Variants in SLC25A21 observed in about 807,000 individuals in gnomAD.
The protein encoded by SLC25A21 is mitochondrial 2-oxodicarboxylate carrier.
Under a neutral mutation model 43.8 loss-of-function variants are expected in SLC25A21, and 47 were observed. That is an observed-to-expected ratio of 1.07 (90% CI 0.85 to 1.37). The LOEUF is 1.37. Among genes scored for constraint, SLC25A21 ranks in the 40% most tolerant of loss-of-function variants. The pLI is 0.00. For missense variants in SLC25A21, 352 were observed against 350.2 expected (o/e 1.00, Z -0.04); for synonymous variants, 131 against 121.3 (o/e 1.08, Z -0.52).
intron 1 of SLC25A21, among the ~76,000 whole-genome samples, chr14:37,115,346 G>A (rs375943308): frequency 6.6e-6 from 1 of 152,182 alleles, no homozygotes; most frequent in East Asian, 1.9e-4. Context: ...CTAGTTTGCA[G>A]AAGAGTCTGA....
chr14:36,805,113 C>T (rs1200914957), intron 3 of SLC25A21, among the ~76,000 whole-genome samples: 2 of 152,198 alleles, frequency 1.3e-5, no homozygotes, highest in African/African-American at 4.8e-5. Flanking sequence ...ACAATTTCCA[C>T]TCAAACAACT....
intron 1 of SLC25A21, among the ~76,000 whole-genome samples, chr14:37,166,118 T>C (rs1181327723): frequency 6.6e-6 from 1 of 152,174 alleles, no homozygotes; most frequent in African/African-American, 2.4e-5. Context: ...ACGTCTGTTC[T>C]AGGATGCACA....
intron 2 of SLC25A21, among the ~76,000 whole-genome samples, chr14:36,861,419 G>A (rs1890061773): frequency 6.6e-6 from 1 of 152,158 alleles, no homozygotes; most frequent in South Asian, 2.1e-4. Context: ...TTTCCCATGG[G>A]CCTAGCCTGA....
chr14:36,809,598 G>A (rs774083448), intron 3 of SLC25A21, among the ~76,000 whole-genome samples: 2 of 152,156 alleles, frequency 1.3e-5, no homozygotes, highest in Non-Finnish European at 2.9e-5. Context: ...AGTGAATTCT[G>A]AGCAGAGAGG....
At chr14:36,984,846 A>ACCCTT (rs1471294202) in intron 1 of SLC25A21, among the ~76,000 whole-genome samples, 3 of 152,064 alleles carry the variant, frequency 2.0e-5, no homozygotes, top group African/African-American at 7.2e-5. Context: ...AAAGGACTAT[A>ACCCTT]AATCATGCTG....
At chr14:37,100,597 G>A (rs193169934) in intron 1 of SLC25A21, among the ~76,000 whole-genome samples, 18 of 152,252 alleles carry the variant, frequency 1.2e-4, no homozygotes, top group South Asian at 4.1e-4. Context: ...CTAGGAACAC[G>A]GCAAGTTAAA....
intron 1 of SLC25A21, among the ~76,000 whole-genome samples, chr14:36,958,679 G>GCACACA (rs71124786): frequency 0.019 from 2,537 of 136,920 alleles, 71 homozygotes; most frequent in East Asian, 0.15. Flanking sequence ...AAGCACACGT[G>GCACACA]CACACACACA....
At position 36,680,007 on chromosome 14, in the gene SLC25A21, T is replaced by TCAC. The variant is rs1285171990; in HGVS notation, c.*650_*651insGTG. 1.2e-6 allele frequency: 1 copy of TCAC among 865,398 alleles called. No homozygotes were observed. Among genetic ancestry groups the TCAC allele is most frequent in the East Asian group, 1.2e-4 (1 of 8,066 alleles). The allele number at this position is 865,398 out of a possible 1,614,324, so 53.6% of individuals were successfully genotyped here. ...AATGTTTTAAAATACCTATTTATTATCTTACAGCAATATGAGATATAAAGT... is the reference window on the plus strand; with the variant it reads ...AATGTTTTAAAATACCTATTTATTATCACCTTACAGCAATATGAGATATAAAGT... On this transcript the variant is annotated 3_prime_UTR_variant, in exon 10 of 10. Transcript: ENST00000331299.
intron 1 of SLC25A21, among the ~76,000 whole-genome samples, chr14:37,060,917 A>T (rs934983418): frequency 1.1e-4 from 16 of 152,206 alleles, no homozygotes; most frequent in Non-Finnish European, 4.4e-5. Flanking sequence ...TTGGATTTGA[A>T]CATCCAGGGG....
At chr14:36,819,004 A>G (rs924318811) in intron 2 of SLC25A21, among the ~76,000 whole-genome samples, 2 of 152,228 alleles carry the variant, frequency 1.3e-5, no homozygotes, top group Non-Finnish European at 1.5e-5. Context: ...AAGCAGCTTA[A>G]ATACATCTGG....
intron 2 of SLC25A21, among the ~76,000 whole-genome samples, chr14:36,873,764 C>T (rs1466731168): frequency 6.6e-6 from 1 of 152,066 alleles, no homozygotes; most frequent in Non-Finnish European, 1.5e-5. Context: ...GAGGGTCTTG[C>T]CCCCATGATG....
intron 1 of SLC25A21, among the ~76,000 whole-genome samples, chr14:37,145,442 T>TACACAC (rs779746223): frequency 4.8e-5 from 7 of 145,248 alleles, no homozygotes; most frequent in African/African-American, 1.8e-4. Context: ...AATACTAAAA[T>TACACAC]ACACACACAC....
At chr14:36,965,762 A>C (rs926718452) in intron 1 of SLC25A21, among the ~76,000 whole-genome samples, 7 of 152,214 alleles carry the variant, frequency 4.6e-5, no homozygotes, top group Admixed American at 3.9e-4. Context: ...AAAGAGATTA[A>C]AAAATAAATC....
At chr14:37,099,210 C>A (rs1365515193) in intron 1 of SLC25A21, among the ~76,000 whole-genome samples, 15 of 152,116 alleles carry the variant, frequency 9.9e-5, no homozygotes, top group Admixed American at 9.8e-4. Flanking sequence ...TTTTCTTGCA[C>A]CTTCTCCTCC....
intron 1 of SLC25A21, among the ~76,000 whole-genome samples, chr14:37,154,040 C>T (rs1404779444): frequency 1.3e-5 from 2 of 152,188 alleles, no homozygotes; most frequent in Admixed American, 6.5e-5. Context: ...CCATTATCAA[C>T]ATCTGAGCAA....
chr14:36,764,739 T>A (rs944078522), intron 3 of SLC25A21, among the ~76,000 whole-genome samples: 1 of 152,040 alleles, frequency 6.6e-6, no homozygotes, highest in Non-Finnish European at 1.5e-5. Flanking sequence ...CAATGTCAAG[T>A]ACTCCATCAG....
intron 2 of SLC25A21, among the ~76,000 whole-genome samples, chr14:36,852,076 G>A (rs189988821): frequency 2.6e-4 from 40 of 152,186 alleles, no homozygotes; most frequent in African/African-American, 9.6e-4. Context: ...TATTTTTGCA[G>A]TTGTAGTCTT....
At chr14:36,902,984 A>AAAC (rs201438966) in intron 1 of SLC25A21, among the ~76,000 whole-genome samples, 2 of 152,052 alleles carry the variant, frequency 1.3e-5, no homozygotes, top group South Asian at 4.2e-4. Flanking sequence ...AACAAAACCA[A>AAAC]AACAACAACA....
intron 1 of SLC25A21, chr14:37,172,006 C>T: frequency 2.2e-6 from 1 of 458,774 alleles, no homozygotes. Flanking sequence ...GGGGCTCTGC[C>T]ACTTGCTTTA....
Sources: allele counts gnomAD v4.1 joint callset (sites outside exome capture counted in the v4.1 genomes callset), GRCh38; gene constraint gnomAD v4.1.1; transcripts MANE v1.5; gene names NCBI Gene and HGNC (gene_info 2026-07-23, HGNC 2026-07-21).